The following XKR4 variants were observed in gnomAD, a reference collection of about 807,000 sequenced individuals.
XKR4 encodes the protein XK related 4, also known as XK-related protein 4.
XKR4 carries 12 observed loss-of-function variants against 53.9 expected under a neutral mutation model. The ratio of observed to expected loss-of-function variants is 0.22; its 90% CI spans 0.14 to 0.36. XKR4 has a LOEUF of 0.36. Among genes scored for constraint, XKR4 ranks in the 10% least tolerant of loss-of-function variants. XKR4 has a pLI of 1.00. For synonymous variants in XKR4, 354 were observed against 362.4 expected, an observed-to-expected ratio of 0.98 and a Z score of 0.26; for missense variants, 799 against 859.5, an observed-to-expected ratio of 0.93 and a Z score of 0.88.
At chr8:55,229,279 G>T (rs1186591350) in intron 1 of XKR4, among the ~76,000 whole-genome samples, 1 of 152,190 alleles carries the variant, frequency 6.6e-6, no homozygotes, top group Non-Finnish European at 1.5e-5. Flanking sequence ...TCAGACCAAT[G>T]CTCCTGGACA....
chr8:55,271,210 C>T (rs921769845), intron 1 of XKR4, among the ~76,000 whole-genome samples: 8 of 151,982 alleles, frequency 5.3e-5, no homozygotes, highest in African/African-American at 1.9e-4. Context: ...CCTCTTTCAA[C>T]GTGTGGAATC....
At chr8:55,358,630 G>A (rs1212994410) in intron 2 of XKR4, among the ~76,000 whole-genome samples, 1 of 152,214 alleles carries the variant, frequency 6.6e-6, no homozygotes, top group African/African-American at 2.4e-5. Flanking sequence ...GGGTAAGCAG[G>A]TGAATACATG....
At chr8:55,453,273 A>G (rs754589401) in intron 2 of XKR4, 39 of 489,716 alleles carry the variant, frequency 8.0e-5, no homozygotes, top group Non-Finnish European at 1.6e-4. Context: ...TTGTCCAGAG[A>G]AGTGCAGTCC....
chr8:55,462,124 T>C (rs1257597058), intron 2 of XKR4, among the ~76,000 whole-genome samples: 3 of 152,084 alleles, frequency 2.0e-5, no homozygotes, highest in African/African-American at 4.8e-5. Flanking sequence ...ATACAGAGAA[T>C]GTCACAAAGA....
At chr8:55,490,546 C>T (rs1311527218) in intron 2 of XKR4, among the ~76,000 whole-genome samples, 1 of 152,044 alleles carries the variant, frequency 6.6e-6, no homozygotes, top group Non-Finnish European at 1.5e-5. Flanking sequence ...TGCAGATGTA[C>T]CCTCTAAATC....
Position 55,523,994 on chromosome 8 carries a change from C to A in XKR4, c.1720C>A (p.Gln574Lys). 6.2e-7 allele frequency: 1 copy of A among 1,614,174 alleles called. No individual in the cohort carries two copies. Among genetic ancestry groups the A allele is most frequent in the Non-Finnish European group, 8.5e-7 (1 of 1,180,042 alleles). The change falls in exon 3 of 3, where the codon CAA (glutamine) becomes AAA (lysine). Residue 574 changes from glutamine (Q) to lysine (K), a missense_variant. Transcript: ENST00000327381. ...GCGGGATGGGTGTGTACCTGTCTTT[C>A]AAGTGAGGCCCACTGCCCCATCCAC... ...AERDGCVPVF[Q>K]VRPTAPSTPS... is the part of the protein sequence containing the mutation.
At position 55,358,070 on chromosome 8, in the gene XKR4, C is replaced by T. The variant is rs183031495; in HGVS notation, c.1006+193C>T. ...TCATGACTGATTAATTGAAAGACAG[C>T]GCATTTTTGCTCTCCAGCTGTCCTC... is the stretch of plus-strand genomic sequence containing the variant. On this transcript the variant is annotated intron_variant, in intron 2 of 2. Coordinates refer to ENST00000327381, the MANE Select transcript of XKR4 (RefSeq NM_052898.2). 7.5e-3 allele frequency among the ~76,000 whole-genome samples: 1,136 copies of T among 152,114 alleles called. 17 individuals are homozygous for T. The highest frequency in any genetic ancestry group is 8.4e-3 in the Non-Finnish European group (568 of 68,020).
chr8:55,499,993 T>C (rs536121422), intron 2 of XKR4, among the ~76,000 whole-genome samples: 1 of 152,282 alleles, frequency 6.6e-6, no homozygotes, highest in South Asian at 2.1e-4. Context: ...AAAAATGTTA[T>C]CACATTCATT....
At chr8:55,134,671 A>G (rs76885453) in intron 1 of XKR4, among the ~76,000 whole-genome samples, 19 of 152,310 alleles carry the variant, frequency 1.2e-4, no homozygotes, top group Non-Finnish European at 2.4e-4. Flanking sequence ...GGAAGTTACA[A>G]TCTCTGAGTT....
At chr8:55,334,525 C>A (rs922935446) in intron 1 of XKR4, among the ~76,000 whole-genome samples, 1 of 152,100 alleles carries the variant, frequency 6.6e-6, no homozygotes, top group Non-Finnish European at 1.5e-5. Context: ...GTGTTTTAAC[C>A]AGCCCTCCAG....
At chr8:55,328,145 A>G (rs749531978) in intron 1 of XKR4, among the ~76,000 whole-genome samples, 18 of 152,162 alleles carry the variant, frequency 1.2e-4, no homozygotes, top group Non-Finnish European at 2.2e-4. Context: ...AACCACCCTC[A>G]TGATCCGATT....
chr8:55,290,250 C>G (rs555999758), intron 1 of XKR4, among the ~76,000 whole-genome samples: 1 of 151,840 alleles, frequency 6.6e-6, no homozygotes, highest in East Asian at 1.9e-4. Flanking sequence ...TTGCCTCAGC[C>G]TCCGGAGTAG....
chr8:55,134,831 A>G (rs1400393983), intron 1 of XKR4, among the ~76,000 whole-genome samples: 3 of 152,224 alleles, frequency 2.0e-5, no homozygotes, highest in Non-Finnish European at 4.4e-5. Context: ...TGTTCACCAC[A>G]TTGAGCAGAT....
chr8:55,193,463 C>T lies in XKR4; in HGVS notation c.806+90169C>T, dbSNP rs566710246. ...CTCCCTGCCCTGACCTCTCTCTATC[C>T]GGCTGAGGCTGGGTCTCTCACTGCC... On this transcript the variant is annotated intron_variant, in intron 1 of 2. Transcript: ENST00000327381. 1.9e-4 allele frequency among the ~76,000 whole-genome samples: 29 copies of T among 152,184 alleles called. 1 individual carries two copies. The highest frequency in any genetic ancestry group is 2.0e-4 in the Admixed American group (3 of 15,294).
chr8:55,472,747 T>C (rs1805909188), intron 2 of XKR4, among the ~76,000 whole-genome samples: 1 of 152,076 alleles, frequency 6.6e-6, no homozygotes, highest in African/African-American at 2.4e-5. Flanking sequence ...GTCATTTCTA[T>C]TATTAGGGAT....
intron 1 of XKR4, among the ~76,000 whole-genome samples, chr8:55,149,331 G>A (rs1413691126): frequency 6.6e-6 from 1 of 152,068 alleles, no homozygotes; most frequent in Non-Finnish European, 1.5e-5. Context: ...TAGGGAACAT[G>A]AAAAAATATA....
At chr8:55,301,750 T>C (rs1398197155) in intron 1 of XKR4, among the ~76,000 whole-genome samples, 1 of 152,234 alleles carries the variant, frequency 6.6e-6, no homozygotes, top group Non-Finnish European at 1.5e-5. Context: ...TGGCCAGTGA[T>C]GATGAACATT....
rs78753751 is a variant in XKR4 at position 55,261,025 on chromosome 8, C to T, written c.807-96653C>T. ...ATTAAAAGCAAAACTTTATCAAGGA[C>T]TTCCTTACCCTCACAATCTGTCTAA... is the stretch of plus-strand genomic sequence containing the variant. On this transcript the variant is annotated intron_variant, in intron 1 of 2. Transcript: ENST00000327381. Among the ~76,000 whole-genome samples the T allele has an allele frequency of 6.0e-3, 920 of 152,318 alleles. 11 individuals carry two copies. The highest frequency in any genetic ancestry group is 0.01 in the Non-Finnish European group (686 of 68,034).
intron 1 of XKR4, among the ~76,000 whole-genome samples, chr8:55,144,094 CTCTAA>C (rs529250851): frequency 7.4e-4 from 113 of 152,302 alleles, no homozygotes; most frequent in African/African-American, 2.6e-3. Flanking sequence ...CTTCTGCCCT[CTCTAA>C]TCTATCTCAG....
Sources: allele counts gnomAD v4.1 joint callset (sites outside exome capture counted in the v4.1 genomes callset), GRCh38; gene constraint gnomAD v4.1.1; transcripts MANE v1.5; gene names NCBI Gene and HGNC (gene_info 2026-07-23, HGNC 2026-07-21).